CFAP45: variants seen among roughly 807,000 people sequenced by gnomAD.
CFAP45 encodes cilia and flagella associated protein 45.
Under a neutral mutation model 75.6 loss-of-function variants are expected in CFAP45, and 43 were observed. The observed-to-expected ratio is 0.57, with a 90% CI of 0.45 to 0.73. The LOEUF is 0.73. Among genes scored for constraint, CFAP45 ranks in the 30% least tolerant of loss-of-function variants. The pLI is 0.00. For missense variants in CFAP45, 689 were observed against 701.5 expected, an observed-to-expected ratio of 0.98 and a Z score of 0.20; for synonymous variants, 223 against 244.6, an observed-to-expected ratio of 0.91 and a Z score of 0.82.
intron 7 of CFAP45, 101 bp downstream of exon 7, chr1:159,884,335 G>A: frequency 8.0e-7 from 1 of 1,246,124 alleles, no homozygotes; most frequent in Non-Finnish European, 1.1e-6. Context: ...AAATGAGCAT[G>A]TGCCTGGCAG....
chr1:159,879,737 T>G (rs953485580), intron 8 of CFAP45, among the ~76,000 whole-genome samples: 1 of 152,174 alleles, frequency 6.6e-6, no homozygotes, highest in African/African-American at 2.4e-5. Context: ...CAAATTATAC[T>G]CACACCCTCC....
At chr1:159,898,081 GTTC>G (rs994314599) in intron 1 of CFAP45, 16 of 983,900 alleles carry the variant, frequency 1.6e-5, no homozygotes, top group East Asian at 2.3e-4. Context: ...CTGAGATCTA[GTTC>G]TTCTTTTGCA....
At chr1:159,888,554 T>G in intron 3 of CFAP45, 58 bp from the exon 4 acceptor site, 1 of 1,522,532 alleles carries the variant, frequency 6.6e-7, no homozygotes, top group South Asian at 1.2e-5. Flanking sequence ...AGCACCACAC[T>G]TCAGGCTTCT....
At chr1:159,878,753 T>TAAAAAAGAAAAAAAAAAAA (rs1649469501) in intron 8 of CFAP45, among the ~76,000 whole-genome samples, 1 of 32,496 alleles carries the variant, frequency 3.1e-5, no homozygotes, top group Non-Finnish European at 5.8e-5. Context: ...AGACTACATC[T>TAAAAAAGAAAAAAAAAAAA]AAAAAAAAAA....
chr1:159,896,177 G>T (rs1281461381), intron 1 of CFAP45, among the ~76,000 whole-genome samples: 1 of 152,216 alleles, frequency 6.6e-6, no homozygotes, highest in African/African-American at 2.4e-5. Flanking sequence ...GTTTTCCCTT[G>T]TGCTGAAGTG....
Position 159,876,858 on chromosome 1 carries a change from G to A in CFAP45, c.1159-109C>T. Reference sequence around the variant, plus strand: ...AGACTCTGACAGTCTGCTTTGAAAAGCATCATGAATTTCTCTGGCAGCTAG... The same window carrying A: ...AGACTCTGACAGTCTGCTTTGAAAAACATCATGAATTTCTCTGGCAGCTAG... On this transcript the variant is annotated intron_variant, in intron 9 of 11. Coordinates refer to ENST00000368099, the MANE Select transcript of CFAP45 (RefSeq NM_012337.3). 2.9e-6 allele frequency: 3 copies of A among 1,040,930 alleles called. No individual in the cohort carries two copies. The South Asian group carries it at 4.0e-5, about 14-fold the overall frequency. The allele number at this position is 1,040,930 out of a possible 1,614,324, so 64.5% of individuals were successfully genotyped here. A position where few individuals can be genotyped will look rare whatever the true frequency, so the allele number is the denominator to read the frequency against.
chr1:159,883,671 G>C (rs1473777219), intron 7 of CFAP45, among the ~76,000 whole-genome samples: 1 of 147,962 alleles, frequency 6.8e-6, no homozygotes, highest in Admixed American at 6.7e-5. Flanking sequence ...CACCTAGAAA[G>C]AAACAAGCAA....
In CFAP45 at chr1:159,900,138, G is replaced by T. The variant is rs1449694453; in HGVS notation, c.-40C>A. 1.3e-5 allele frequency: 21 copies of T among 1,613,734 alleles called. No homozygotes were observed. The highest frequency in any genetic ancestry group is 2.7e-5 in the African/African-American group (2 of 74,882). On this transcript the variant is annotated 5_prime_UTR_variant, in exon 1 of 12. Transcript: ENST00000368099. ...GCCCTGACTCCGGACTTCTGCTGCC[G>T]CCTCGGCGCCGCCAAGGCCCTAGTG...
chr1:159,887,250 AG>A (rs1571185626), intron 5 of CFAP45, among the ~76,000 whole-genome samples: 1 of 152,212 alleles, frequency 6.6e-6, no homozygotes, highest in African/African-American at 2.4e-5. Flanking sequence ...AGAAAATTAA[AG>A]GAGGCATACA....
At chr1:159,878,838 C>T (rs1649478041) in intron 8 of CFAP45, among the ~76,000 whole-genome samples, 1 of 146,594 alleles carries the variant, frequency 6.8e-6, no homozygotes, top group Non-Finnish European at 1.5e-5. Flanking sequence ...GTGAGTTGTC[C>T]CTGTAAGTTG....
rs1649426512 is a variant in CFAP45, at chr1:159,877,337, C to G, written c.1158+12G>C. ...TGGGAAAAGTAGAGGGAAGTCGAGA[C>G]TAAGCAGGTACCTGTTCTGCCTGGT... is the stretch of plus-strand genomic sequence containing the variant. On this transcript the variant is annotated intron_variant, in intron 9 of 11. Transcript: ENST00000368099. The G allele has an allele frequency of 6.4e-7, 1 of 1,570,362 alleles. No individual in the cohort carries two copies. The highest frequency in any genetic ancestry group is 1.3e-5 in the African/African-American group (1 of 74,204).
chr1:159,893,879 TAATATACATGTATACAATAATATATATA>T (rs1349495908), intron 1 of CFAP45, among the ~76,000 whole-genome samples: 5 of 151,136 alleles, frequency 3.3e-5, no homozygotes, highest in South Asian at 2.1e-4. Context: ...AAATGTATAT[TAATATACATGTATACAATAATATATATA>T]AATATACATG....
At chr1:159,884,361 C>G in intron 7 of CFAP45, 75 bp downstream of exon 7, 3 of 1,471,210 alleles carry the variant, frequency 2.0e-6, no homozygotes, top group Non-Finnish European at 2.7e-6. Flanking sequence ...CAGTCAACAC[C>G]CTGAAACCCC....
chr1:159,888,361 T>G lies in CFAP45; in HGVS notation c.408A>C (p.Glu136Asp), dbSNP rs747115757. 3 of 1,614,124 alleles carry G rather than the reference T, an allele frequency of 1.9e-6. No homozygotes were observed. Among genetic ancestry groups the G allele is most frequent in the East Asian group, 2.2e-5 (1 of 44,874 alleles). ...ARDQAFKKEK[E>D]ATMDAVMTRK... The stretch of plus-strand genomic sequence containing the variant: ...TAGGGAGGTTAACTACCATGGTGGC[T>G]TCCTTCTCCTTCTTGAAGGCCTGGT... Residue 136 changes from glutamate to aspartate, a missense_variant, in exon 4 of 12, where the codon GAA (glutamate) becomes GAC (aspartate). Transcript: ENST00000368099.
chr1:159,897,100 C>T (rs1341757361), intron 1 of CFAP45, among the ~76,000 whole-genome samples: 1 of 151,200 alleles, frequency 6.6e-6, no homozygotes, highest in Non-Finnish European at 1.5e-5. Flanking sequence ...CCCATCTCTA[C>T]AAAAAATATG....
chr1:159,874,386 T>G (rs770236739), intron 10 of CFAP45, among the ~76,000 whole-genome samples: 1 of 152,186 alleles, frequency 6.6e-6, no homozygotes, highest in African/African-American at 2.4e-5. Flanking sequence ...CTTTCCATCA[T>G]GCAAACATCT....
intron 1 of CFAP45, among the ~76,000 whole-genome samples, chr1:159,897,886 C>A (rs550175701): frequency 2.0e-4 from 31 of 152,040 alleles, no homozygotes; most frequent in South Asian, 1.0e-3. Flanking sequence ...AACAAACAAA[C>A]AAAAAAACCA....
intron 7 of CFAP45, 76 bp downstream of exon 7, chr1:159,884,360 C>A: frequency 2.0e-6 from 3 of 1,474,814 alleles, no homozygotes; most frequent in South Asian, 2.8e-5. Context: ...TCAGTCAACA[C>A]CCTGAAACCC....
Position 159,876,539 on chromosome 1 carries a change from T to C in CFAP45, c.1352+17A>G. On this transcript the variant is annotated intron_variant, in intron 10 of 11. Coordinates refer to ENST00000368099, the MANE Select transcript of CFAP45 (RefSeq NM_012337.3). ...CAGTACAAGGAAAGGAATCCAAGGTTCCCAGGCCCCTCCTACCGAAGAATC... is the reference window on the plus strand; with the variant it reads ...CAGTACAAGGAAAGGAATCCAAGGTCCCCAGGCCCCTCCTACCGAAGAATC... 6.3e-7 allele frequency: 1 copy of C among 1,579,278 alleles called. No individual in the cohort carries two copies. Among genetic ancestry groups the C allele is most frequent in the Non-Finnish European group, 8.7e-7 (1 of 1,148,654 alleles).
Sources: allele counts gnomAD v4.1 joint callset (sites outside exome capture counted in the v4.1 genomes callset), GRCh38; gene constraint gnomAD v4.1.1; transcripts MANE v1.5; gene names NCBI Gene and HGNC (gene_info 2026-07-23, HGNC 2026-07-21).